Variants in SCARA5 observed in about 807,000 individuals in gnomAD.
SCARA5 encodes the protein scavenger receptor class A member 5.
A neutral mutation model predicts 46.3 loss-of-function variants in SCARA5; 45 were observed. The observed-to-expected ratio is 0.97, with a 90% CI of 0.76 to 1.24. The LOEUF is 1.24. Ranked by LOEUF, SCARA5 falls within the 50% of genes most tolerant of loss-of-function variation. SCARA5 has a pLI of 0.00. For missense variants in SCARA5, 680 were observed against 689.0 expected (o/e 0.99, Z 0.15); for synonymous variants, 333 against 306.5 (o/e 1.09, Z -0.90).
At chr8:27,882,540 C>T (rs1348419102) in intron 7 of SCARA5, among the ~76,000 whole-genome samples, 1 of 152,212 alleles carries the variant, frequency 6.6e-6, no homozygotes, top group East Asian at 1.9e-4. Context: ...GGTAGCATGG[C>T]TGTGTCCCGG....
chr8:27,916,959 C>A (rs962356913), intron 4 of SCARA5, among the ~76,000 whole-genome samples: 1 of 152,048 alleles, frequency 6.6e-6, no homozygotes, highest in African/African-American at 2.4e-5. Flanking sequence ...GGATCAGCAT[C>A]CTTACAAAGA....
intron 4 of SCARA5, among the ~76,000 whole-genome samples, chr8:27,916,400 T>C (rs1259068561): frequency 3.2e-5 from 4 of 126,720 alleles, no homozygotes; most frequent in Admixed American, 8.1e-5. Context: ...TGCATATGTA[T>C]ACGTATATGT....
intron 7 of SCARA5, among the ~76,000 whole-genome samples, chr8:27,883,052 C>T (rs1275653295): frequency 1.3e-5 from 2 of 152,204 alleles, no homozygotes; most frequent in Non-Finnish European, 2.9e-5. Flanking sequence ...CCCATGGAAA[C>T]ATCAGCAATG....
intron 2 of SCARA5, among the ~76,000 whole-genome samples, chr8:27,979,404 C>T (rs958796256): frequency 6.6e-6 from 1 of 152,140 alleles, no homozygotes; most frequent in Non-Finnish European, 1.5e-5. Context: ...ACTCACGTAA[C>T]CCTTGCAAAA....
intron 4 of SCARA5, among the ~76,000 whole-genome samples, chr8:27,914,298 T>C (rs1056372993): frequency 6.6e-6 from 1 of 152,256 alleles, no homozygotes; most frequent in East Asian, 1.9e-4. Flanking sequence ...GGTATGTCTT[T>C]ATTAGCAGTG....
At chr8:27,971,191 G>A (rs933832923) in intron 2 of SCARA5, among the ~76,000 whole-genome samples, 2 of 152,196 alleles carry the variant, frequency 1.3e-5, no homozygotes, top group Admixed American at 6.5e-5. Context: ...TGCATAAAAC[G>A]GTAATTGCAA....
chr8:27,911,497 G>A (rs1415874640), intron 4 of SCARA5, among the ~76,000 whole-genome samples: 1 of 152,202 alleles, frequency 6.6e-6, no homozygotes, highest in African/African-American at 2.4e-5. Flanking sequence ...TTCGAGGCCG[G>A]CCTGGCCAAC....
At chr8:27,905,528 G>A (rs1478908249) in intron 6 of SCARA5, among the ~76,000 whole-genome samples, 9 of 90,488 alleles carry the variant, frequency 9.9e-5, no homozygotes, top group South Asian at 4.4e-4. Context: ...AGATTTGGGG[G>A]GGGGAAAAAA....
chr8:27,917,546 C>A (rs527832252), intron 4 of SCARA5, among the ~76,000 whole-genome samples: 2 of 152,246 alleles, frequency 1.3e-5, no homozygotes, highest in South Asian at 4.2e-4. Context: ...GCTTCCATCC[C>A]AACAACCAGG....
chr8:27,980,019 AT>A (rs1808589422), intron 2 of SCARA5, among the ~76,000 whole-genome samples: 1 of 152,160 alleles, frequency 6.6e-6, no homozygotes, highest in Non-Finnish European at 1.5e-5. Flanking sequence ...ACTGAGTCAC[AT>A]TTAGGTAACC....
At chr8:27,918,125 G>A (rs1807492446) in intron 4 of SCARA5, among the ~76,000 whole-genome samples, 1 of 152,126 alleles carries the variant, frequency 6.6e-6, no homozygotes, top group South Asian at 2.1e-4. Context: ...GGGCTTAAAG[G>A]TCCTGATCAT....
intron 4 of SCARA5, among the ~76,000 whole-genome samples, chr8:27,920,796 C>G (rs926209535): frequency 6.6e-6 from 1 of 151,878 alleles, no homozygotes; most frequent in African/African-American, 2.4e-5. Context: ...CAGAGCCAGA[C>G]CCCAACTTGA....
intron 7 of SCARA5, chr8:27,904,318 G>C (rs116997518): frequency 5.3e-6 from 1 of 190,008 alleles, no homozygotes; most frequent in South Asian, 1.9e-4. Context: ...TTTAGGAAGC[G>C]TGTCTGAGTG....
chr8:27,989,589 G>T (rs534278469), intron 1 of SCARA5, among the ~76,000 whole-genome samples: 3 of 152,168 alleles, frequency 2.0e-5, no homozygotes, highest in Admixed American at 1.3e-4. Context: ...CCCATAACGG[G>T]CACACACACG....
chr8:27,955,830 G>A (rs770668943), intron 3 of SCARA5, among the ~76,000 whole-genome samples: 5 of 152,244 alleles, frequency 3.3e-5, no homozygotes, highest in African/African-American at 4.8e-5. Flanking sequence ...TCTATGTGTC[G>A]ACGACTGGAG....
intron 3 of SCARA5, among the ~76,000 whole-genome samples, chr8:27,960,208 G>A (rs918662657): frequency 2.7e-5 from 4 of 148,878 alleles, no homozygotes; most frequent in Non-Finnish European, 4.4e-5. Flanking sequence ...ACAGGATCTC[G>A]CTCTGTCACT....
intron 7 of SCARA5, among the ~76,000 whole-genome samples, chr8:27,899,070 T>G (rs1382480909): frequency 6.6e-6 from 1 of 152,212 alleles, no homozygotes; most frequent in Non-Finnish European, 1.5e-5. Flanking sequence ...TGAGTTGGGT[T>G]CTAGCAAATA....
chr8:27,970,897 A>T (rs948864516), intron 2 of SCARA5, among the ~76,000 whole-genome samples: 1 of 152,190 alleles, frequency 6.6e-6, no homozygotes, highest in African/African-American at 2.4e-5. Context: ...TTAAAAAAAA[A>T]CCCACTACTT....
At chr8:27,987,285 T>A (rs938885570) in intron 2 of SCARA5, among the ~76,000 whole-genome samples, 1 of 152,236 alleles carries the variant, frequency 6.6e-6, no homozygotes, top group African/African-American at 2.4e-5. Flanking sequence ...AATCTGTCCA[T>A]CTGTAAAATG....
Sources: allele counts gnomAD v4.1 joint callset (sites outside exome capture counted in the v4.1 genomes callset), GRCh38; gene constraint gnomAD v4.1.1; transcripts MANE v1.5; gene names NCBI Gene and HGNC (gene_info 2026-07-23, HGNC 2026-07-21).